The following ASPRV1 variants were observed in gnomAD, a reference collection of about 807,000 sequenced individuals.
ASPRV1 encodes the protein aspartic peptidase retroviral like 1.
ASPRV1 carries 7 observed loss-of-function variants against 11.0 expected under a neutral mutation model. That is an observed-to-expected ratio of 0.64 (90% CI 0.36 to 1.20). ASPRV1 has a LOEUF of 1.20. ASPRV1 is among the 50% of genes most tolerant of loss of function. The pLI is 0.02. For missense variants in ASPRV1, 299 were observed against 320.0 expected (o/e 0.93, Z 0.50); for synonymous variants, 136 against 138.4 (o/e 0.98, Z 0.12).
At chr2:70,045,892 A>C in the ASPRV1 span, 2 of 152,258 alleles carry the variant, frequency 1.3e-5, no homozygotes, top group Admixed American at 6.5e-5. Context: ...ACTGCACTCC[A>C]ATCTGGGCAA....
chr2:69,958,997 A>T (rs1678001481), downstream of ASPRV1, among the ~76,000 whole-genome samples: 1 of 152,120 alleles, frequency 6.6e-6, no homozygotes, highest in South Asian at 2.1e-4. Context: ...GTAAACCCCG[A>T]GGATTAGGGG....
At chr2:69,954,132 C>T in the ASPRV1 span, among the ~76,000 whole-genome samples, 2 of 152,216 alleles carry the variant, frequency 1.3e-5, no homozygotes, top group South Asian at 2.1e-4. Context: ...CAAGTCACTT[C>T]CCTGCCTCCA....
the ASPRV1 span, chr2:69,968,641 G>C: frequency 6.6e-6 from 1 of 152,242 alleles, no homozygotes; most frequent in African/African-American, 2.4e-5. Flanking sequence ...CCACTTTGGG[G>C]TGTGTTTGAA....
the ASPRV1 span, among the ~76,000 whole-genome samples, chr2:70,080,479 G>A: frequency 1.4e-4 from 22 of 152,214 alleles, no homozygotes; most frequent in African/African-American, 4.1e-4. Flanking sequence ...TGCCCGCCTC[G>A]GCCGCCCAAA....
the ASPRV1 span, among the ~76,000 whole-genome samples, chr2:70,009,490 C>A: frequency 2.0e-5 from 3 of 152,028 alleles, no homozygotes; most frequent in African/African-American, 7.2e-5. Context: ...CCACCATGCC[C>A]AGCTAATTTT....
chr2:69,946,050 G>A, the ASPRV1 span, among the ~76,000 whole-genome samples: 902 of 152,236 alleles, frequency 5.9e-3, 4 homozygotes, highest in African/African-American at 0.019. Flanking sequence ...CCAGACAGCC[G>A]GGCTGGGTGA....
chr2:69,976,782 C>T, the ASPRV1 span: 30 of 152,310 alleles, frequency 2.0e-4, no homozygotes, highest in African/African-American at 6.8e-4. Flanking sequence ...TCCACCATCT[C>T]CTGTCACTGT....
the ASPRV1 span, among the ~76,000 whole-genome samples, chr2:70,014,124 A>T: frequency 6.6e-6 from 1 of 152,210 alleles, no homozygotes; most frequent in Non-Finnish European, 1.5e-5. Flanking sequence ...CTTGAATATA[A>T]CACCCAAGGC....
At chr2:69,946,949 A>G in the ASPRV1 span, among the ~76,000 whole-genome samples, 1 of 152,256 alleles carries the variant, frequency 6.6e-6, no homozygotes, top group African/African-American at 2.4e-5. Flanking sequence ...AGAGAGAGAC[A>G]GAGGGAAGCC....
chr2:70,022,415 G>A, the ASPRV1 span, among the ~76,000 whole-genome samples: 1 of 150,392 alleles, frequency 6.6e-6, no homozygotes, highest in Non-Finnish European at 1.5e-5. Context: ...GCCAGGCACA[G>A]TGGCTCATGC....
At chr2:70,046,937 C>T in the ASPRV1 span, 2 of 152,164 alleles carry the variant, frequency 1.3e-5, no homozygotes, top group Non-Finnish European at 2.9e-5. Context: ...TTTGCATTTA[C>T]GCTGTTTTTA....
At chr2:70,037,483 C>T in the ASPRV1 span, among the ~76,000 whole-genome samples, 2 of 152,182 alleles carry the variant, frequency 1.3e-5, no homozygotes, top group African/African-American at 4.8e-5. Flanking sequence ...TGCACCACCA[C>T]TCCTGGCTAA....
At chr2:70,071,107 G>A in the ASPRV1 span, among the ~76,000 whole-genome samples, 1 of 152,170 alleles carries the variant, frequency 6.6e-6, no homozygotes, top group African/African-American at 2.4e-5. Flanking sequence ...GCAGCAGCCT[G>A]ACCTCCTAAT....
At chr2:70,024,054 C>A in the ASPRV1 span, among the ~76,000 whole-genome samples, 2 of 146,878 alleles carry the variant, frequency 1.4e-5, no homozygotes. Flanking sequence ...AGTTCAAGAC[C>A]AACCTGGCCA....
At chr2:70,047,937 C>T in the ASPRV1 span, among the ~76,000 whole-genome samples, 4 of 151,530 alleles carry the variant, frequency 2.6e-5, no homozygotes, top group Admixed American at 6.6e-5. Context: ...GGTGAAATGC[C>T]GTCTCTACTA....
the ASPRV1 span, among the ~76,000 whole-genome samples, chr2:70,041,533 A>C: frequency 6.6e-6 from 1 of 152,350 alleles, no homozygotes; most frequent in African/African-American, 2.4e-5. Flanking sequence ...TAGGGAAAGG[A>C]GAAAATTTAT....
At chr2:69,963,127 A>G (rs1244233354), upstream of ASPRV1, 1 of 390,992 alleles carries the variant, frequency 2.6e-6, no homozygotes, top group Non-Finnish European at 5.1e-6. Context: ...CCCAACCACA[A>G]TGCAAGACTG....
the ASPRV1 span, chr2:69,937,540 G>T: frequency 1.3e-6 from 1 of 748,600 alleles, no homozygotes; most frequent in Admixed American, 3.2e-5. Flanking sequence ...GACCTCCAGT[G>T]ACAGGTTCCT....
At chr2:70,085,174 T>C in the ASPRV1 span, among the ~76,000 whole-genome samples, 19,652 of 151,860 alleles carry the variant, frequency 0.13, 1,866 homozygotes, top group Non-Finnish European at 0.2. Flanking sequence ...GAGGCAAGAG[T>C]CAAGCCCATG....
Sources: allele counts gnomAD v4.1 joint callset (sites outside exome capture counted in the v4.1 genomes callset), GRCh38; gene constraint gnomAD v4.1.1; transcripts MANE v1.5; gene names NCBI Gene and HGNC (gene_info 2026-07-23, HGNC 2026-07-21).